The following TBC1D9 variants were observed in gnomAD, a reference collection of about 807,000 sequenced individuals.
TBC1D9 encodes the protein TBC1 domain family member 9A.
TBC1D9 carries 63 observed loss-of-function variants against 132.0 expected under a neutral mutation model. The observed-to-expected ratio is 0.48, with a 90% CI of 0.39 to 0.59. TBC1D9 has a LOEUF of 0.59. Among genes scored for constraint, TBC1D9 ranks in the 20% least tolerant of loss-of-function variants. TBC1D9 has a pLI of 0.00. For synonymous variants in TBC1D9, 610 were observed against 609.9 expected (o/e 1.00, Z 0.00); for missense variants, 1,261 against 1,592.7 (o/e 0.79, Z 3.54).
At chr4:140,654,469 A>AG (rs1737234862) in intron 13 of TBC1D9, among the ~76,000 whole-genome samples, 1 of 73,168 alleles carries the variant, frequency 1.4e-5, no homozygotes. Context: ...AAAAGAAGAA[A>AG]GGGGTGGGGG....
At chr4:140,738,806 G>A (rs917502751) in intron 1 of TBC1D9, among the ~76,000 whole-genome samples, 2 of 152,074 alleles carry the variant, frequency 1.3e-5, no homozygotes, top group African/African-American at 4.8e-5. Context: ...AAAGACAGCT[G>A]GACTTAGAAG....
intron 1 of TBC1D9, among the ~76,000 whole-genome samples, chr4:140,734,600 T>C (rs995626480): frequency 6.6e-6 from 1 of 152,178 alleles, no homozygotes; most frequent in African/African-American, 2.4e-5. Flanking sequence ...AAAACCAGTC[T>C]GGGCAACATA....
chr4:140,659,554 C>G (rs1352079292), intron 11 of TBC1D9, 34 bp downstream of exon 11: 1 of 1,441,042 alleles, frequency 6.9e-7, no homozygotes, highest in Non-Finnish European at 9.5e-7. Flanking sequence ...CTTGACGAGA[C>G]ATAGGTTGAA....
chr4:140,724,774 T>C (rs1019897479), intron 1 of TBC1D9, among the ~76,000 whole-genome samples: 3 of 151,794 alleles, frequency 2.0e-5, no homozygotes, highest in Non-Finnish European at 1.5e-5. Flanking sequence ...GTACAATTTA[T>C]AGGAAAAAAA....
In TBC1D9 at chr4:140,659,703, G is replaced by T. The variant is rs777792151; in HGVS notation, c.1806C>A (p.Ala602=). 1.3e-6 allele frequency: 2 copies of T among 1,593,688 alleles called. No homozygotes were observed. The highest frequency in any genetic ancestry group is 2.7e-5 in the African/African-American group (2 of 74,520). The part of the protein sequence containing the change: ...FRNPNIGYCQ[A]MNIVTSVLLL... ...GCAGCACTGAAGTGACAATATTCAT[G>T]GCCTAAAAAAGTGAAAGAGGATGTC... The change falls in exon 11 of 21, where the codon GCC becomes GCA. Residue 602 remains alanine, a splice_region_variant and synonymous_variant. Coordinates refer to ENST00000442267, the MANE Select transcript of TBC1D9 (RefSeq NM_015130.3).
chr4:140,639,034 AGGTGAACTCCTTTACTCCTTTGAATG>A, intron 15 of TBC1D9, 26 bp downstream of exon 15: 2 of 1,285,118 alleles, frequency 1.6e-6, no homozygotes, highest in Non-Finnish European at 2.2e-6. Flanking sequence ...TGAATTATTA[AGGTGAACTCCTTTACTCCTTTGAATG>A]GGCATGAATT....
intron 13 of TBC1D9, among the ~76,000 whole-genome samples, chr4:140,640,839 C>T (rs1294519864): frequency 7.1e-6 from 1 of 140,582 alleles, no homozygotes; most frequent in African/African-American, 3.2e-5. Context: ...TGAACATTCT[C>T]ATATTCCACT....
Position 140,643,419 on chromosome 4 carries a change from T to A in TBC1D9, c.2338-3991A>T. ...GGCCACCTCCATGCCAGCCAGTGGGTCTTCCAGGCCGGGCAGGAACTGCTC... is the reference window on the plus strand; with the variant it reads ...GGCCACCTCCATGCCAGCCAGTGGGACTTCCAGGCCGGGCAGGAACTGCTC... On this transcript the variant is annotated intron_variant, in intron 13 of 20. Transcript: ENST00000442267. 7.3e-6 allele frequency: 6 copies of A among 818,678 alleles called. No homozygotes were observed. The South Asian group carries it at 9.3e-5, about 13-fold the overall frequency. 50.7% of individuals were successfully genotyped at this position (818,678 alleles called of 1,614,324 possible).
chr4:140,731,593 C>A (rs1738590486), intron 1 of TBC1D9, among the ~76,000 whole-genome samples: 1 of 151,888 alleles, frequency 6.6e-6, no homozygotes, highest in East Asian at 1.9e-4. Flanking sequence ...AAATGGTTTC[C>A]AAGCTGTTGC....
chr4:140,673,202 T>C (rs554423115), intron 6 of TBC1D9, among the ~76,000 whole-genome samples: 1 of 152,124 alleles, frequency 6.6e-6, no homozygotes, highest in East Asian at 1.9e-4. Context: ...CTTGCTGGCT[T>C]AATAATTTCT....
rs748083281 is a variant in TBC1D9 at position 140,622,188 on chromosome 4, G to A, written c.*7C>T. On this transcript the variant is annotated 3_prime_UTR_variant, in exon 21 of 21. Coordinates refer to ENST00000442267, the MANE Select transcript of TBC1D9 (RefSeq NM_015130.3). ...TCTCCTCCCACTCCCCCGGGAAGGC[G>A]CCCGTGTCAGCCGGACATGGCCGAG... 2 of 1,564,414 alleles carry A rather than the reference G, an allele frequency of 1.3e-6. No individual in the cohort carries two copies. The highest frequency in any genetic ancestry group is 1.7e-6 in the Non-Finnish European group (2 of 1,146,210).
At chr4:140,659,510 A>T in intron 11 of TBC1D9, 78 bp downstream of exon 11, 1 of 968,392 alleles carries the variant, frequency 1.0e-6, no homozygotes, top group Non-Finnish European at 1.5e-6. Context: ...GACCAGAAAT[A>T]GTGTTCTGGC....
Position 140,622,409 on chromosome 4 carries a change from G to C in TBC1D9, c.3587C>G (p.Thr1196Arg). The change falls in exon 21 of 21, where the codon ACG becomes AGG. Residue 1196 changes from threonine (T) to arginine (R), a missense_variant. Coordinates refer to ENST00000442267, the MANE Select transcript of TBC1D9 (RefSeq NM_015130.3). The stretch of plus-strand genomic sequence containing the variant: ...GCTGGTGCTCCGGGGCAGTGCCGCC[G>C]TGCCCTGGCCGCTCCGCACCAGGAC... ...DTVLVRSGQG[T>R]AALPRSTSLD... is the part of the protein sequence containing the mutation. 1 of 1,613,038 alleles carries C rather than the reference G, an allele frequency of 6.2e-7. No homozygotes were observed. The highest frequency in any genetic ancestry group is 1.1e-5 in the South Asian group (1 of 91,028).
At position 140,705,376 on chromosome 4, in the gene TBC1D9, C is replaced by A. The variant is rs527773804; in HGVS notation, c.131-3762G>T. 9.6e-4 allele frequency among the ~76,000 whole-genome samples: 146 copies of A among 152,126 alleles called. 2 individuals carry two copies. Among genetic ancestry groups the A allele is most frequent in the Middle Eastern group, 3.4e-3 (1 of 294 alleles). On this transcript the variant is annotated intron_variant, in intron 1 of 20. Transcript: ENST00000442267. ...CACATTTTGCCTTGTCCCATTTTTT[C>A]CTCTTCTCTCCAGACTGAGAGTTCC...
intron 13 of TBC1D9, among the ~76,000 whole-genome samples, chr4:140,651,090 A>G (rs1291234749): frequency 1.3e-5 from 2 of 152,208 alleles, no homozygotes; most frequent in Non-Finnish European, 2.9e-5. Flanking sequence ...AGGTAAAACA[A>G]TTAGTATGGT....
intron 2 of TBC1D9, among the ~76,000 whole-genome samples, chr4:140,700,419 T>C (rs555545176): frequency 6.1e-5 from 9 of 148,208 alleles, no homozygotes; most frequent in Non-Finnish European, 8.9e-5. Context: ...CACTGCACTC[T>C]AGCCTGGGCA....
intron 3 of TBC1D9, among the ~76,000 whole-genome samples, chr4:140,685,104 C>T (rs898131758): frequency 3.3e-5 from 5 of 152,100 alleles, no homozygotes; most frequent in Non-Finnish European, 7.4e-5. Context: ...ATAAAATCAC[C>T]ATCTTGTAAA....
chr4:140,717,041 T>C (rs939632415), intron 1 of TBC1D9, among the ~76,000 whole-genome samples: 2 of 152,076 alleles, frequency 1.3e-5, no homozygotes, highest in Non-Finnish European at 2.9e-5. Flanking sequence ...TATATCAAAA[T>C]AAATATTTTG....
chr4:140,686,494 A>T, intron 2 of TBC1D9, 32 bp from the exon 3 acceptor site: 1 of 1,341,762 alleles, frequency 7.5e-7, no homozygotes, highest in Non-Finnish European at 1.1e-6. Context: ...TTCATGTCAG[A>T]TTTCATGCCA....
Sources: gnomAD v4.1 joint callset for allele counts (sites outside exome capture counted in the v4.1 genomes callset) on GRCh38, gnomAD v4.1.1 for gene constraint, MANE v1.5 for transcripts, NCBI Gene and HGNC (gene_info 2026-07-23, HGNC 2026-07-21) for gene names.